Variants in MBP observed in about 807,000 individuals in gnomAD.
The protein encoded by MBP is myelin basic protein.
A neutral mutation model predicts 35.8 loss-of-function variants in MBP; 16 were observed. The observed-to-expected ratio is 0.45, with a 90% confidence interval of 0.30 to 0.68. MBP has a LOEUF of 0.68. Ranked by LOEUF, MBP falls within the 30% of genes least tolerant of loss-of-function variation. The pLI, the probability that MBP is intolerant of heterozygous loss-of-function variation, is 0.08. For missense variants in MBP, 380 were observed against 404.7 expected (o/e 0.94, Z 0.52); for synonymous variants, 143 against 159.6 (o/e 0.90, Z 0.78).
At position 77,039,191 on chromosome 18, in the gene MBP, G is replaced by A. The variant is rs187433520; in HGVS notation, c.140-21923C>T. Among the ~76,000 whole-genome samples the A allele has an allele frequency of 5.9e-5, 9 of 152,336 alleles. No individual in the cohort carries two copies. The East Asian group carries it at 1.7e-3, about 29-fold the overall frequency. On this transcript the variant is annotated intron_variant, in intron 3 of 8. Transcript: ENST00000355994. ...CAAGCAGAGGCTCCACAGAGACTGC[G>A]TAGCCTGCAAAACCTAAAATATATA...
intron 3 of MBP, among the ~76,000 whole-genome samples, chr18:77,045,358 C>T (rs1021741710): frequency 2.0e-5 from 3 of 152,228 alleles, no homozygotes; most frequent in African/African-American, 4.8e-5. Context: ...TTGCATGCAT[C>T]TCCGAATTGA....
At chr18:77,114,471 T>G (rs1331606184) in intron 1 of MBP, 1 of 152,260 alleles carries the variant, frequency 6.6e-6, no homozygotes, top group African/African-American at 2.4e-5. Flanking sequence ...CTCATCCACG[T>G]GTCAGTTAGA....
Position 76,988,261 on chromosome 18 carries a change from G to T in MBP, c.750+234C>A, listed in dbSNP as rs1217062488. On this transcript the variant is annotated intron_variant, in intron 7 of 8. Transcript: ENST00000355994. This position sits in a 1 kb window ranked among gnomAD's most constrained non-coding sequence, Gnocchi z 5.2. ...CTCTGGGAGAAGAGGATCTGGCCTTGCAGGGCTGGGTCCCCGGCACAGAAG... is the reference window on the plus strand; with the variant it reads ...CTCTGGGAGAAGAGGATCTGGCCTTTCAGGGCTGGGTCCCCGGCACAGAAG... The T allele has an allele frequency of 6.4e-7, 1 of 1,550,592 alleles. No homozygotes were observed.
intron 4 of MBP, among the ~76,000 whole-genome samples, chr18:76,997,978 G>A (rs143049709): frequency 3.0e-4 from 45 of 152,304 alleles, no homozygotes; most frequent in African/African-American, 9.9e-4. Context: ...CACCACGCCC[G>A]GCCTGAGCCA....
intron 2 of MBP, among the ~76,000 whole-genome samples, chr18:77,100,450 G>A (rs1164144497): frequency 6.6e-6 from 1 of 151,944 alleles, no homozygotes; most frequent in Admixed American, 6.6e-5. Flanking sequence ...TGTCTGCAAA[G>A]TCCCTGGCTC....
intron 1 of MBP, among the ~76,000 whole-genome samples, chr18:77,119,435 C>T (rs1976820171): frequency 6.6e-6 from 1 of 152,104 alleles, no homozygotes; most frequent in Admixed American, 6.5e-5. Context: ...AGTAGGCACA[C>T]AGCACATGGC....
intron 2 of MBP, among the ~76,000 whole-genome samples, chr18:77,086,157 T>A (rs1305148956): frequency 6.6e-6 from 1 of 152,242 alleles, no homozygotes; most frequent in Non-Finnish European, 1.5e-5. Flanking sequence ...AGTTCTGCTA[T>A]CCCTGTGATC....
intron 4 of MBP, among the ~76,000 whole-genome samples, chr18:76,993,463 T>A (rs1235925048): frequency 6.6e-6 from 1 of 151,538 alleles, no homozygotes; most frequent in East Asian, 1.9e-4. Context: ...GGCAGGAGAA[T>A]TGCTTGAACC....
Position 77,016,281 on chromosome 18 carries a change from T to TC in MBP, c.576+550dup, listed in dbSNP as rs534242300. 2.4e-3 allele frequency: 2,325 copies of TC among 985,742 alleles called. 3 individuals are homozygous for TC. The highest frequency in any genetic ancestry group is 2.6e-3 in the Non-Finnish European group (2,194 of 830,342). The allele number at this position is 985,742 out of a possible 1,614,324, so 61.1% of individuals were successfully genotyped here. A position where few individuals can be genotyped will look rare whatever the true frequency, so the allele number is the denominator to read the frequency against. ...TGATTCATAGACACTCATTTATCCC[T>TC]CCCCCCTTCCACTTCTCAGACCACA... is the stretch of plus-strand genomic sequence containing the variant. On this transcript the variant is annotated intron_variant, in intron 4 of 8. Transcript: ENST00000355994.
At chr18:77,103,633 G>A (rs951875788) in intron 2 of MBP, among the ~76,000 whole-genome samples, 1 of 152,120 alleles carries the variant, frequency 6.6e-6, no homozygotes, top group African/African-American at 2.4e-5. Flanking sequence ...AGCAAGGGCC[G>A]CCCCCATACA....
chr18:76,982,162 C>T (rs915763501), intron 8 of MBP: 1 of 152,264 alleles, frequency 6.6e-6, no homozygotes, highest in Non-Finnish European at 1.5e-5. Flanking sequence ...GTGTTCCTAT[C>T]ATCCTCTCTT....
At chr18:76,983,086 GGTT>G (rs1410462553) in intron 8 of MBP, 2 of 152,156 alleles carry the variant, frequency 1.3e-5, no homozygotes, top group Non-Finnish European at 2.9e-5. Context: ...TTGAGTGACT[GGTT>G]GTAAGCCTTG....
intron 4 of MBP, chr18:77,004,272 ATG>A (rs1381880472): frequency 7.3e-6 from 1 of 137,044 alleles, no homozygotes; most frequent in Non-Finnish European, 1.7e-5. Context: ...ATATATATAT[ATG>A]TGTCCCCCCC....
chr18:76,993,780 TC>T (rs1038667024), intron 4 of MBP, among the ~76,000 whole-genome samples: 2 of 152,008 alleles, frequency 1.3e-5, no homozygotes, highest in Non-Finnish European at 1.5e-5. Flanking sequence ...CGGGTACCCC[TC>T]TGTTTACTGA....
At position 76,978,887 on chromosome 18, in the gene MBP, C is replaced by T. The variant is rs1235631091; in HGVS notation, c.*1540G>A. On this transcript the variant is annotated 3_prime_UTR_variant, in exon 9 of 9. Coordinates refer to ENST00000355994, the MANE Select transcript of MBP (RefSeq NM_001025101.2). ...ATATTCAGGAACAGTGTACACTTTC[C>T]GTTCAGCCATCGTCACAGCACGTGC... is the stretch of plus-strand genomic sequence containing the variant. 1 of 152,190 alleles carries T rather than the reference C, an allele frequency of 6.6e-6. No homozygotes were observed. The highest frequency in any genetic ancestry group is 2.4e-5 in the African/African-American group (1 of 41,448). The allele number at this position is 152,190 out of a possible 1,614,324, so 9.4% of individuals were successfully genotyped here.
rs897535814 is a variant in MBP, at chr18:77,020,464, C to T, written c.140-3196G>A. ...TTCCCTGACTTGCTAGGAGAGCTCC[C>T]GGGACTTAGGATATGGTCCTGTCAC... On this transcript the variant is annotated intron_variant, in intron 3 of 8. Coordinates refer to ENST00000355994, the MANE Select transcript of MBP (RefSeq NM_001025101.2). This position sits in a 1 kb window ranked among gnomAD's most constrained non-coding sequence, Gnocchi z 4.1. Among the ~76,000 whole-genome samples the T allele has an allele frequency of 3.3e-5, 5 of 152,166 alleles. No homozygotes were observed. The highest frequency in any genetic ancestry group is 5.9e-5 in the Non-Finnish European group (4 of 68,024).
chr18:77,084,596 T>TA (rs975685027), intron 2 of MBP, among the ~76,000 whole-genome samples: 12 of 152,186 alleles, frequency 7.9e-5, no homozygotes, highest in African/African-American at 2.9e-4. Flanking sequence ...TATTTTTCCT[T>TA]AAAAAAGCTT....
At chr18:77,078,616 G>A (rs977373359) in intron 2 of MBP, among the ~76,000 whole-genome samples, 1 of 152,242 alleles carries the variant, frequency 6.6e-6, no homozygotes, top group Non-Finnish European at 1.5e-5. Context: ...CTGGAGCCTG[G>A]AGAACTCATT....
At position 76,984,835 on chromosome 18, in the gene MBP, C is replaced by T. The variant is rs749981867; in HGVS notation, c.810G>A (p.Ser270=). Residue 270 remains serine, a synonymous_variant, in exon 8 of 9, where the codon TCG becomes TCA. Transcript: ENST00000355994. ...GYGGRASDYK[S]AHKGFKGVDA... ...CGACTCCCTTGAATCCCTTGTGAGCCGATTTATAGTCGGACGCTCTGCCTC... is the reference window on the plus strand; with the variant it reads ...CGACTCCCTTGAATCCCTTGTGAGCTGATTTATAGTCGGACGCTCTGCCTC... 3 of 1,614,048 alleles carry T rather than the reference C, an allele frequency of 1.9e-6. No homozygotes were observed. Among genetic ancestry groups the T allele is most frequent in the Non-Finnish European group, 8.5e-7 (1 of 1,180,036 alleles).
Sources: gnomAD v4.1 joint callset for allele counts (sites outside exome capture counted in the v4.1 genomes callset) on GRCh38, gnomAD v4.1.1 for gene constraint, Gnocchi (gnomAD v3.1) non-coding constraint, MANE v1.5 for transcripts, NCBI Gene and HGNC (gene_info 2026-07-23, HGNC 2026-07-21) for gene names.